CDH20: variants seen among roughly 807,000 people sequenced by gnomAD.
CDH20 encodes the protein cadherin 20.
A neutral mutation model predicts 74.2 loss-of-function variants in CDH20; 29 were observed. That is an observed-to-expected ratio of 0.39 (90% CI 0.29 to 0.53). CDH20 has a LOEUF of 0.53. Ranked by LOEUF, CDH20 falls within the 20% of genes least tolerant of loss-of-function variation. CDH20 has a pLI of 0.69. For synonymous variants in CDH20, 469 were observed against 405.4 expected, an observed-to-expected ratio of 1.16 and a Z score of -1.88; for missense variants, 988 against 1,048.3, an observed-to-expected ratio of 0.94 and a Z score of 0.79.
chr18:61,443,027 C>A (rs1049498537), intron 1 of CDH20, among the ~76,000 whole-genome samples: 1 of 152,078 alleles, frequency 6.6e-6, no homozygotes, highest in Non-Finnish European at 1.5e-5. Flanking sequence ...AGCTTCCACA[C>A]GATAAGTTGT....
chr18:61,465,038 A>G (rs1038910131), intron 1 of CDH20, among the ~76,000 whole-genome samples: 4 of 152,248 alleles, frequency 2.6e-5, no homozygotes, highest in African/African-American at 9.6e-5. Flanking sequence ...AATCATTTCA[A>G]AATAAGCCTT....
chr18:61,537,592 C>T (rs1212089351), intron 8 of CDH20, among the ~76,000 whole-genome samples: 1 of 152,090 alleles, frequency 6.6e-6, no homozygotes, highest in East Asian at 1.9e-4. Context: ...AATGTAACTT[C>T]TGTGTCAGGG....
intron 9 of CDH20, among the ~76,000 whole-genome samples, chr18:61,539,606 G>C (rs994146189): frequency 6.6e-6 from 1 of 152,180 alleles, no homozygotes; most frequent in Non-Finnish European, 1.5e-5. Context: ...CTGAGGCCTG[G>C]AAGTGAGAGA....
intron 1 of CDH20, among the ~76,000 whole-genome samples, chr18:61,361,197 G>A (rs1306427957): frequency 3.9e-5 from 6 of 152,130 alleles, no homozygotes; most frequent in East Asian, 1.9e-4. Flanking sequence ...CTGTAGGTTC[G>A]CTGCGTGGTG....
chr18:61,495,646 G>A (rs1911111075), intron 2 of CDH20, among the ~76,000 whole-genome samples: 1 of 152,160 alleles, frequency 6.6e-6, no homozygotes, highest in African/African-American at 2.4e-5. Flanking sequence ...GCTTCCTCAG[G>A]GGTCTCAGGC....
At chr18:61,392,823 A>G (rs1333950393) in intron 1 of CDH20, among the ~76,000 whole-genome samples, 1 of 151,816 alleles carries the variant, frequency 6.6e-6, no homozygotes, top group Non-Finnish European at 1.5e-5. Context: ...ATTCATCACA[A>G]ATTTTGAACC....
intron 1 of CDH20, among the ~76,000 whole-genome samples, chr18:61,441,253 G>T (rs1048027779): frequency 4.6e-5 from 7 of 152,112 alleles, no homozygotes; most frequent in Non-Finnish European, 1.0e-4. Flanking sequence ...TGATGATTTT[G>T]TATACAGTTG....
chr18:61,479,112 C>G (rs910988355), intron 1 of CDH20, among the ~76,000 whole-genome samples: 3 of 151,914 alleles, frequency 2.0e-5, no homozygotes, highest in African/African-American at 7.3e-5. Flanking sequence ...TCAAACCTTT[C>G]TTTTCTATTT....
At chr18:61,424,314 A>G (rs1912993567) in intron 1 of CDH20, among the ~76,000 whole-genome samples, 1 of 152,256 alleles carries the variant, frequency 6.6e-6, no homozygotes, top group African/African-American at 2.4e-5. Flanking sequence ...GACTTAATCA[A>G]CTTGTGTTTA....
At chr18:61,391,774 CATA>C (rs1911791465) in intron 1 of CDH20, 1 of 151,506 alleles carries the variant, frequency 6.6e-6, no homozygotes, top group Non-Finnish European at 1.5e-5. Flanking sequence ...AAAAAGAAAA[CATA>C]ATAATCCAAT....
rs567573901 is a variant in CDH20, at chr18:61,521,350, A to G, written c.1018-6617A>G. Among the ~76,000 whole-genome samples the G allele has an allele frequency of 2.0e-5, 3 of 151,446 alleles. No individual in the cohort carries two copies. The East Asian group carries it at 5.8e-4, about 29-fold the overall frequency. ...AAGAAATGGATACATTCCTGGACACATACACCCTCCCAAGACTAAACCAGT... is the reference window on the plus strand; with the variant it reads ...AAGAAATGGATACATTCCTGGACACGTACACCCTCCCAAGACTAAACCAGT... On this transcript the variant is annotated intron_variant, in intron 6 of 11. Transcript: ENST00000262717.
At chr18:61,547,767 T>A (rs1913303621) in intron 10 of CDH20, among the ~76,000 whole-genome samples, 2 of 145,762 alleles carry the variant, frequency 1.4e-5, no homozygotes, top group African/African-American at 2.6e-5. Flanking sequence ...CAGAAAAAAA[T>A]GCTGTTTCCA....
At chr18:61,395,488 T>C (rs1053612181) in intron 1 of CDH20, among the ~76,000 whole-genome samples, 3 of 152,168 alleles carry the variant, frequency 2.0e-5, no homozygotes, top group Admixed American at 1.3e-4. Context: ...ATCCCAAACC[T>C]GGATTACTGG....
At chr18:61,456,677 G>A (rs756975701) in intron 1 of CDH20, among the ~76,000 whole-genome samples, 2 of 151,816 alleles carry the variant, frequency 1.3e-5, no homozygotes, top group Non-Finnish European at 2.9e-5. Flanking sequence ...CACAAAAAAA[G>A]ACTTCTTGAT....
chr18:61,346,553 TA>T (rs1910120414), intron 1 of CDH20, among the ~76,000 whole-genome samples: 4 of 151,992 alleles, frequency 2.6e-5, no homozygotes, highest in Admixed American at 2.0e-4. Context: ...TTTATGAGAG[TA>T]AGTAGAATTT....
intron 1 of CDH20, among the ~76,000 whole-genome samples, chr18:61,410,513 TGAGG>T: frequency 6.6e-6 from 1 of 152,280 alleles, no homozygotes; most frequent in East Asian, 1.9e-4. Flanking sequence ...CAATTTTGCT[TGAGG>T]AAGTAACGCC....
chr18:61,422,081 C>G (rs1193304578), intron 1 of CDH20, among the ~76,000 whole-genome samples: 1 of 152,108 alleles, frequency 6.6e-6, no homozygotes, highest in Non-Finnish European at 1.5e-5. Flanking sequence ...GGCTTCTAGT[C>G]CATGCATTCA....
At chr18:61,440,752 GGCTTGT>G (rs1249721718) in intron 1 of CDH20, among the ~76,000 whole-genome samples, 1 of 152,160 alleles carries the variant, frequency 6.6e-6, no homozygotes, top group Non-Finnish European at 1.5e-5. Flanking sequence ...CAACAGGCCA[GGCTTGT>G]TCTCATGGTG....
intron 1 of CDH20, among the ~76,000 whole-genome samples, chr18:61,438,014 G>A (rs915848649): frequency 3.9e-5 from 6 of 152,072 alleles, no homozygotes; most frequent in Non-Finnish European, 8.8e-5. Flanking sequence ...AAAATCCTGT[G>A]GATGATCAAG....
Sources: gnomAD v4.1 joint callset for allele counts (sites outside exome capture counted in the v4.1 genomes callset) on GRCh38, gnomAD v4.1.1 for gene constraint, MANE v1.5 for transcripts, NCBI Gene and HGNC (gene_info 2026-07-23, HGNC 2026-07-21) for gene names.